PLAA: variants seen among roughly 807,000 people sequenced by gnomAD.
PLAA encodes phospholipase A2 activating protein.
In PLAA, 48 loss-of-function variants were observed where a neutral mutation model predicts 84.1. The ratio of observed to expected loss-of-function variants is 0.57; its 90% CI spans 0.45 to 0.73. The LOEUF (loss-of-function observed/expected upper bound fraction) is 0.73. Among genes scored for constraint, PLAA ranks in the 30% least tolerant of loss-of-function variants. The pLI is 0.00. For synonymous variants in PLAA, 392 were observed against 336.6 expected (o/e 1.16, Z -1.80); for missense variants, 903 against 954.7 (o/e 0.95, Z 0.71).
intron 13 of PLAA, 39 bp downstream of exon 13, chr9:26,907,795 C>A (rs1249225053): frequency 1.3e-6 from 2 of 1,540,032 alleles, no homozygotes; most frequent in Non-Finnish European, 1.8e-6. Context: ...GATAAAACTT[C>A]TTGCTTTCTG....
Position 26,918,910 on chromosome 9 carries a change from T to C in PLAA, c.1417+400A>G, listed in dbSNP as rs1248633844. On this transcript the variant is annotated intron_variant, in intron 9 of 13. Coordinates refer to ENST00000397292, the MANE Select transcript of PLAA (RefSeq NM_001031689.3). ...TTAAAATGAACGTGTAGAATACACA[T>C]CACATATAAACTAAAACTACCCATA... Among the ~76,000 whole-genome samples, 5 of 151,842 alleles carry C rather than the reference T, an allele frequency of 3.3e-5. No homozygotes were observed. In the South Asian group the frequency reaches 8.3e-4, roughly 25 times the overall value.
chr9:26,906,371 G>A (rs1437954398), intron 13 of PLAA, among the ~76,000 whole-genome samples: 2 of 149,782 alleles, frequency 1.3e-5, no homozygotes, highest in Non-Finnish European at 3.0e-5. Context: ...ATGGGGTGCA[G>A]ACTTTGCTTT....
At position 26,928,138 on chromosome 9, in the gene PLAA, T is replaced by A; in HGVS notation, c.527A>T (p.Lys176Ile). 1 of 1,614,224 alleles carries A rather than the reference T, an allele frequency of 6.2e-7. No individual in the cohort carries two copies. Among genetic ancestry groups the A allele is most frequent in the African/African-American group, 1.3e-5 (1 of 75,060 alleles). ...CTCACATCTTCCAGCCTTCCACAGT[T>A]TAACAGTCTTGTCTGCTGATCCAGT... ...MLTGSADKTV[K>I]LWKAGRCERT... The change falls in exon 4 of 14, where the codon AAA (lysine) becomes ATA (isoleucine). Residue 176 changes from lysine to isoleucine, a missense_variant. Physicochemically the swap from Lys to Ile is moderately radical, Grantham distance 102. Transcript: ENST00000397292.
intron 10 of PLAA, among the ~76,000 whole-genome samples, chr9:26,914,191 A>G (rs2131371602): frequency 6.6e-6 from 1 of 152,346 alleles, no homozygotes; most frequent in South Asian, 2.1e-4. Context: ...AGTAAACTAC[A>G]AAAATGTAAG....
intron 13 of PLAA, 68 bp from the exon 14 acceptor site, chr9:26,906,144 A>C (rs1824230494): frequency 9.3e-7 from 1 of 1,070,116 alleles, no homozygotes; most frequent in African/African-American, 1.6e-5. Flanking sequence ...ATCGACTTTG[A>C]AGGATTTTAT....
At chr9:26,944,341 A>C (rs1272506320) in intron 1 of PLAA, among the ~76,000 whole-genome samples, 2 of 152,210 alleles carry the variant, frequency 1.3e-5, no homozygotes, top group Non-Finnish European at 2.9e-5. Flanking sequence ...TGCTACAGCA[A>C]CACAAAAGAG....
In PLAA at chr9:26,904,615, T is replaced by C. The variant is rs1242712406; in HGVS notation, c.*896A>G. 1 of 152,124 alleles carries C rather than the reference T, an allele frequency of 6.6e-6. No homozygotes were observed. Among genetic ancestry groups the C allele is most frequent in the East Asian group, 1.9e-4 (1 of 5,194 alleles). 9.4% of individuals were successfully genotyped at this position (152,124 alleles called of 1,614,324 possible). A position where few individuals can be genotyped will look rare whatever the true frequency, so the allele number is the denominator to read the frequency against. On this transcript the variant is annotated 3_prime_UTR_variant, in exon 14 of 14. Transcript: ENST00000397292. ...GTTTTAAGGATTAAATATCAGTGTG[T>C]CTACTATTCTGCCTGGACCACATAG...
In PLAA at chr9:26,910,349, G is replaced by A; in HGVS notation, c.1646C>T (p.Thr549Ile). 1 of 1,606,830 alleles carries A rather than the reference G, an allele frequency of 6.2e-7. No individual in the cohort carries two copies. Among genetic ancestry groups the A allele is most frequent in the African/African-American group, 1.3e-5 (1 of 74,914 alleles). ...EAVTFDQANP[T>I]QILGKLKELN... ...TTAAAGAAACTTACCTAATATTTGT[G>A]TAGGGTTTGCTTGGTCAAATGTGAC... The change falls in exon 12 of 14, where the codon ACA becomes ATA. Residue 549 changes from threonine to isoleucine, a missense_variant. Thr to Ile is a moderately conservative substitution (Grantham distance 89, BLOSUM62 -1). Transcript: ENST00000397292.
intron 5 of PLAA, among the ~76,000 whole-genome samples, chr9:26,926,172 A>G (rs962487483): frequency 6.6e-6 from 1 of 152,240 alleles, no homozygotes; most frequent in Non-Finnish European, 1.5e-5. Context: ...CAGATACCCA[A>G]GAACTTTTTA....
In PLAA at chr9:26,928,288, T is replaced by G; in HGVS notation, c.444+20A>C. The G allele has an allele frequency of 6.2e-7, 1 of 1,612,206 alleles. No homozygotes were observed. The highest frequency in any genetic ancestry group is 8.5e-7 in the Non-Finnish European group (1 of 1,178,234). On this transcript the variant is annotated intron_variant, in intron 3 of 13. Transcript: ENST00000397292. ...TTCAACTTAATTATTCTTTAGAATA[T>G]TTACACAGAACTACTGTACCTGCAA...
At chr9:26,926,815 T>C (rs996925160) in intron 4 of PLAA, among the ~76,000 whole-genome samples, 8 of 152,076 alleles carry the variant, frequency 5.3e-5, no homozygotes, top group African/African-American at 1.7e-4. Context: ...AATAGTATTT[T>C]GACCCCAATA....
Position 26,913,876 on chromosome 9 carries a change from T to C in PLAA, c.1555+3A>G. 3 of 1,588,464 alleles carry C rather than the reference T, an allele frequency of 1.9e-6. No homozygotes were observed. The highest frequency in any genetic ancestry group is 2.6e-6 in the Non-Finnish European group (3 of 1,162,040). On this transcript the variant is annotated splice_donor_region_variant and intron_variant, in intron 11 of 13. Transcript: ENST00000397292. The stretch of plus-strand genomic sequence containing the variant: ...AAAAGAAAAAGAAATAAAAAGTATG[T>C]ACCTGTAAATGGATCAACTCCGGCC...
chr9:26,910,964 G>C (rs1402364742), intron 11 of PLAA, among the ~76,000 whole-genome samples: 3 of 151,976 alleles, frequency 2.0e-5, no homozygotes, highest in African/African-American at 7.3e-5. Context: ...GATGTAGTAG[G>C]TATTATCATT....
At chr9:26,925,520 A>G (rs1453200850) in intron 6 of PLAA, among the ~76,000 whole-genome samples, 2 of 152,202 alleles carry the variant, frequency 1.3e-5, no homozygotes, top group African/African-American at 4.8e-5. Context: ...CTTCTACAGA[A>G]AGTTTTCCCA....
chr9:26,912,919 G>A (rs866362127), intron 11 of PLAA, among the ~76,000 whole-genome samples: 2 of 152,172 alleles, frequency 1.3e-5, no homozygotes, highest in Middle Eastern at 3.4e-3. Context: ...TTAAAAAATA[G>A]CTTACAAAAT....
rs1824198221 is a variant in PLAA, at chr9:26,905,445, C to CA, written c.*65dup. On this transcript the variant is annotated 3_prime_UTR_variant, in exon 14 of 14. Coordinates refer to ENST00000397292, the MANE Select transcript of PLAA (RefSeq NM_001031689.3). The stretch of plus-strand genomic sequence containing the variant: ...TTCTCTTTTTTTAATTATCTGTTAT[C>CA]AGTCATGTCAAATGTGAGGAAAAAA... 3 of 1,125,486 alleles carry CA rather than the reference C, an allele frequency of 2.7e-6. No individual in the cohort carries two copies. The South Asian group carries it at 4.5e-5, about 17-fold the overall frequency. The allele number at this position is 1,125,486 out of a possible 1,614,324, so 69.7% of individuals were successfully genotyped here.
At chr9:26,927,620 G>A (rs1436186719) in intron 4 of PLAA, among the ~76,000 whole-genome samples, 1 of 152,136 alleles carries the variant, frequency 6.6e-6, no homozygotes, top group Non-Finnish European at 1.5e-5. Flanking sequence ...AATAGCTGGG[G>A]TTTAAAAAGA....
At chr9:26,936,137 T>G (rs1168164875) in intron 1 of PLAA, among the ~76,000 whole-genome samples, 1 of 152,098 alleles carries the variant, frequency 6.6e-6, no homozygotes, top group East Asian at 1.9e-4. Flanking sequence ...GACTCCCAGA[T>G]AAAGACTAAA....
chr9:26,914,979 G>A (rs1824503988), intron 10 of PLAA, among the ~76,000 whole-genome samples: 1 of 152,230 alleles, frequency 6.6e-6, no homozygotes, highest in Non-Finnish European at 1.5e-5. Context: ...TTGGGAGGCT[G>A]AGGCGGGTGG....
Sources: allele counts gnomAD v4.1 joint callset (sites outside exome capture counted in the v4.1 genomes callset), GRCh38; gene constraint gnomAD v4.1.1; transcripts MANE v1.5; gene names NCBI Gene and HGNC (gene_info 2026-07-23, HGNC 2026-07-21).